Variants in DNER observed in about 807,000 individuals in gnomAD.
DNER encodes the protein delta and Notch-like epidermal growth factor-related receptor.
In DNER, 33 loss-of-function variants were observed where a neutral mutation model predicts 78.2. The ratio of observed to expected loss-of-function variants is 0.42; its 90% CI spans 0.32 to 0.56. DNER has a LOEUF of 0.56. Among genes scored for constraint, DNER ranks in the 20% least tolerant of loss-of-function variants. The probability of loss-of-function intolerance (pLI) is 0.11; values close to 1 mark genes in which losing one functional copy is unlikely to be tolerated. For synonymous variants in DNER, 417 were observed against 384.8 expected (o/e 1.08, Z -0.98); for missense variants, 918 against 975.3 (o/e 0.94, Z 0.78).
At chr2:229,633,021 C>T (rs958963678) in intron 1 of DNER, among the ~76,000 whole-genome samples, 2 of 152,170 alleles carry the variant, frequency 1.3e-5, no homozygotes, top group African/African-American at 2.4e-5. Context: ...CTGATCTCAA[C>T]ATTACCTATG....
At chr2:229,456,800 A>G (rs1694584691) in intron 7 of DNER, among the ~76,000 whole-genome samples, 2 of 152,118 alleles carry the variant, frequency 1.3e-5, no homozygotes, top group South Asian at 4.1e-4. Flanking sequence ...GGTGAAAAAC[A>G]TCTACCCATA....
chr2:229,430,555 C>T (rs1160325248), intron 8 of DNER, among the ~76,000 whole-genome samples: 1 of 152,122 alleles, frequency 6.6e-6, no homozygotes, highest in Admixed American at 6.5e-5. Flanking sequence ...TTCTCCCGTG[C>T]TGGATGCTTC....
intron 8 of DNER, among the ~76,000 whole-genome samples, chr2:229,432,841 C>T (rs1471674413): frequency 6.6e-6 from 1 of 152,240 alleles, no homozygotes; most frequent in Non-Finnish European, 1.5e-5. Context: ...ACGTCTCCCA[C>T]AATCTCTGAC....
intron 9 of DNER, 21 bp downstream of exon 9, chr2:229,418,087 G>A (rs1168281872): frequency 6.2e-7 from 1 of 1,613,962 alleles, no homozygotes; most frequent in Non-Finnish European, 8.5e-7. Context: ...TCTGGCACAG[G>A]AAGGCCAGGC....
At chr2:229,462,101 C>A (rs1030832561) in intron 7 of DNER, among the ~76,000 whole-genome samples, 8 of 151,928 alleles carry the variant, frequency 5.3e-5, no homozygotes, top group Admixed American at 1.3e-4. Context: ...TGTGTTTGAA[C>A]CAATATTAAA....
intron 1 of DNER, among the ~76,000 whole-genome samples, chr2:229,685,893 G>A (rs1699474714): frequency 6.6e-6 from 1 of 152,140 alleles, no homozygotes; most frequent in African/African-American, 2.4e-5. Flanking sequence ...TCAGTGTGAG[G>A]CATCGGAGGA....
At chr2:229,387,342 G>A (rs1188926422) in intron 11 of DNER, among the ~76,000 whole-genome samples, 8 of 152,036 alleles carry the variant, frequency 5.3e-5, no homozygotes, top group Non-Finnish European at 1.2e-4. Context: ...GGGGAGCTAG[G>A]GGAGGCATAG....
At position 229,712,010 on chromosome 2, in the gene DNER, C is replaced by T. The variant is rs112206683; in HGVS notation, c.276+2138G>A. Among the ~76,000 whole-genome samples, 754 of 152,272 alleles carry T rather than the reference C, an allele frequency of 5.0e-3. 7 individuals carry two copies. Among genetic ancestry groups the T allele is most frequent in the African/African-American group, 0.017 (696 of 41,566 alleles). On this transcript the variant is annotated intron_variant, in intron 1 of 12. Coordinates refer to ENST00000341772, the MANE Select transcript of DNER (RefSeq NM_139072.4). ...TTTTATGGATTGTAAGGCCCTGAAT[C>T]ATCTCAGTAAGTTTTTCTGGGTAAC...
chr2:229,561,079 C>A (rs913279792), intron 4 of DNER, among the ~76,000 whole-genome samples: 1 of 152,096 alleles, frequency 6.6e-6, no homozygotes, highest in Non-Finnish European at 1.5e-5. Flanking sequence ...TTGTAAGGCA[C>A]GTTTAGATGC....
intron 1 of DNER, among the ~76,000 whole-genome samples, chr2:229,682,826 G>T (rs1404162597): frequency 6.6e-6 from 1 of 151,964 alleles, no homozygotes; most frequent in East Asian, 1.9e-4. Context: ...CCAGCCTGGG[G>T]GACAGAGCAA....
chr2:229,492,023 C>T (rs550441013), intron 6 of DNER, among the ~76,000 whole-genome samples: 8 of 152,180 alleles, frequency 5.3e-5, no homozygotes, highest in East Asian at 3.9e-4. Flanking sequence ...AACATACACA[C>T]GCATACACTG....
chr2:229,469,858 G>A (rs560024844), intron 7 of DNER, among the ~76,000 whole-genome samples: 50 of 152,256 alleles, frequency 3.3e-4, no homozygotes, highest in African/African-American at 1.1e-3. Context: ...CAGGAGAGTC[G>A]CTTGAACCCC....
At chr2:229,508,031 G>GCACA (rs1322546422) in intron 6 of DNER, among the ~76,000 whole-genome samples, 2 of 152,012 alleles carry the variant, frequency 1.3e-5, no homozygotes. Flanking sequence ...AGAAGAGTGT[G>GCACA]CACACACACA....
intron 1 of DNER, among the ~76,000 whole-genome samples, chr2:229,631,950 T>A (rs1338480546): frequency 6.6e-6 from 1 of 152,228 alleles, no homozygotes; most frequent in Admixed American, 6.5e-5. Flanking sequence ...TCCATTATGG[T>A]CACTCTTATT....
intron 10 of DNER, among the ~76,000 whole-genome samples, chr2:229,392,496 A>T (rs1178052026): frequency 1.3e-5 from 2 of 152,146 alleles, no homozygotes; most frequent in African/African-American, 4.8e-5. Context: ...ACAAGATAGA[A>T]CCACTCAGAA....
chr2:229,620,765 C>T (rs991388931), intron 1 of DNER, among the ~76,000 whole-genome samples: 1 of 152,146 alleles, frequency 6.6e-6, no homozygotes, highest in Non-Finnish European at 1.5e-5. Context: ...TATTTGAAGA[C>T]AAAGTCTTTA....
intron 6 of DNER, among the ~76,000 whole-genome samples, chr2:229,496,320 TG>T (rs1385821413): frequency 4.6e-5 from 7 of 152,192 alleles, no homozygotes; most frequent in African/African-American, 7.2e-5. Flanking sequence ...TTTAATATTG[TG>T]AAAACATGTA....
At chr2:229,711,397 T>G (rs1400009824) in intron 1 of DNER, among the ~76,000 whole-genome samples, 1 of 152,150 alleles carries the variant, frequency 6.6e-6, no homozygotes, top group Non-Finnish European at 1.5e-5. Context: ...AGTTTTAACT[T>G]CAGCTTGACT....
At chr2:229,615,920 T>C (rs527968813) in intron 1 of DNER, among the ~76,000 whole-genome samples, 4 of 152,276 alleles carry the variant, frequency 2.6e-5, no homozygotes, top group East Asian at 3.9e-4. Flanking sequence ...GACCTGCATG[T>C]AGGAATCTGA....
Sources: allele counts gnomAD v4.1 joint callset (sites outside exome capture counted in the v4.1 genomes callset), GRCh38; gene constraint gnomAD v4.1.1; transcripts MANE v1.5; gene names NCBI Gene and HGNC (gene_info 2026-07-23, HGNC 2026-07-21).